The following CDK19 variants were observed in gnomAD, a reference collection of about 807,000 sequenced individuals.
The protein encoded by CDK19 is cyclin-dependent kinase 19.
CDK19 carries 20 observed loss-of-function variants against 68.3 expected under a neutral mutation model. The observed-to-expected ratio is 0.29, with a 90% CI of 0.21 to 0.43. The LOEUF (loss-of-function observed/expected upper bound fraction) is 0.43. CDK19 is among the 20% of genes least tolerant of loss of function. The pLI, the probability that CDK19 is intolerant of heterozygous loss-of-function variation, is 1.00. For synonymous variants in CDK19, 221 were observed against 222.8 expected (o/e 0.99, Z 0.07); for missense variants, 339 against 623.5 (o/e 0.54, Z 4.86).
intron 2 of CDK19, among the ~76,000 whole-genome samples, chr6:110,692,305 A>AG (rs1773067715): frequency 6.6e-6 from 1 of 151,898 alleles, no homozygotes; most frequent in Admixed American, 6.6e-5. Context: ...AAAAAAAAAA[A>AG]AGAAAGAAAG....
intron 4 of CDK19, among the ~76,000 whole-genome samples, chr6:110,649,321 A>G (rs1158316279): frequency 2.6e-5 from 4 of 152,174 alleles, no homozygotes; most frequent in Non-Finnish European, 5.9e-5. Context: ...TGTGGAAAAA[A>G]TCAATTAAAT....
chr6:110,668,691 G>A (rs533937056), intron 3 of CDK19, among the ~76,000 whole-genome samples: 2 of 152,228 alleles, frequency 1.3e-5, no homozygotes, highest in African/African-American at 4.8e-5. Context: ...AATTAGCTGG[G>A]CGTAGTGGTG....
intron 1 of CDK19, among the ~76,000 whole-genome samples, chr6:110,746,627 T>C (rs1268069010): frequency 3.9e-5 from 6 of 152,310 alleles, no homozygotes; most frequent in African/African-American, 1.4e-4. Context: ...AGTAATTTCA[T>C]AGTATAAGAA....
chr6:110,731,255 A>G (rs1776739421), intron 2 of CDK19, among the ~76,000 whole-genome samples: 1 of 152,234 alleles, frequency 6.6e-6, no homozygotes, highest in South Asian at 2.1e-4. Context: ...GTAGGGCCAT[A>G]AAATCTGAAA....
chr6:110,629,944 C>A (rs1779337340), intron 6 of CDK19, among the ~76,000 whole-genome samples: 1 of 151,908 alleles, frequency 6.6e-6, no homozygotes, highest in African/African-American at 2.4e-5. Flanking sequence ...TTTTCCTTAC[C>A]CTGAGGAAAT....
intron 1 of CDK19, among the ~76,000 whole-genome samples, chr6:110,810,047 A>T (rs1341161333): frequency 6.6e-6 from 1 of 152,208 alleles, no homozygotes; most frequent in African/African-American, 2.4e-5. Flanking sequence ...ACACCATTCT[A>T]AAGTGAATGT....
chr6:110,649,412 T>TG (rs1458261459), intron 4 of CDK19, among the ~76,000 whole-genome samples: 2 of 152,134 alleles, frequency 1.3e-5, no homozygotes, highest in Non-Finnish European at 2.9e-5. Flanking sequence ...CTTTAAAACT[T>TG]TTGGAAAAAA....
In CDK19 at chr6:110,811,945, C is replaced by G. The variant is rs1480615487; in HGVS notation, c.128+3064G>C. ...CAGCATGATGGCTCACACTTGTAAT[C>G]CCAGCATTTTGGGAGGCTGAGACAG... On this transcript the variant is annotated intron_variant, in intron 1 of 12. Transcript: ENST00000368911. Among the ~76,000 whole-genome samples the G allele has an allele frequency of 3.3e-5, 5 of 151,154 alleles. No individual in the cohort carries two copies. The East Asian group carries it at 9.7e-4, about 29-fold the overall frequency.
At chr6:110,705,255 G>T (rs952642407) in intron 2 of CDK19, among the ~76,000 whole-genome samples, 6 of 152,126 alleles carry the variant, frequency 3.9e-5, no homozygotes, top group African/African-American at 1.4e-4. Flanking sequence ...GGTCAGGCTG[G>T]TCTCAAACTC....
chr6:110,624,078 G>C (rs1778933445), intron 8 of CDK19, among the ~76,000 whole-genome samples: 1 of 151,674 alleles, frequency 6.6e-6, no homozygotes, highest in African/African-American at 2.4e-5. Context: ...GCAAGTTGCA[G>C]AAGAAAATAC....
Position 110,611,566 on chromosome 6 carries a change from A to T in CDK19, c.*2969T>A, listed in dbSNP as rs1432817381. On this transcript the variant is annotated 3_prime_UTR_variant, in exon 13 of 13. Coordinates refer to ENST00000368911, the MANE Select transcript of CDK19 (RefSeq NM_015076.5). Reference sequence around the variant, plus strand: ...TTCGGGAGGCCGAGACAGGCGGATGACCTGAGGTGAGGAATTCAAGACCAG... The same window carrying T: ...TTCGGGAGGCCGAGACAGGCGGATGTCCTGAGGTGAGGAATTCAAGACCAG... 1 of 152,292 alleles carries T rather than the reference A, an allele frequency of 6.6e-6. No individual in the cohort carries two copies. The highest frequency in any genetic ancestry group is 1.5e-5 in the Non-Finnish European group (1 of 68,128). 9.4% of individuals were successfully genotyped at this position (152,292 alleles called of 1,614,324 possible).
intron 1 of CDK19, among the ~76,000 whole-genome samples, chr6:110,774,708 G>C (rs1780271414): frequency 6.6e-6 from 1 of 152,204 alleles, no homozygotes; most frequent in South Asian, 2.1e-4. Flanking sequence ...CCATCACTTT[G>C]GGAAGCCAAG....
chr6:110,741,913 C>CA, intron 2 of CDK19, among the ~76,000 whole-genome samples: 1 of 152,082 alleles, frequency 6.6e-6, no homozygotes, highest in African/African-American at 2.4e-5. Context: ...ACCTGATATA[C>CA]AAAAAAATAC....
At chr6:110,692,615 T>C (rs1010514374) in intron 2 of CDK19, among the ~76,000 whole-genome samples, 2 of 152,112 alleles carry the variant, frequency 1.3e-5, no homozygotes, top group Non-Finnish European at 2.9e-5. Context: ...GATTTAGATA[T>C]ACAAATATAA....
intron 2 of CDK19, among the ~76,000 whole-genome samples, chr6:110,719,670 A>G (rs1775670746): frequency 1.3e-5 from 2 of 152,196 alleles, no homozygotes; most frequent in African/African-American, 4.8e-5. Context: ...ACCTATTTCA[A>G]TTAGAAAGCT....
At chr6:110,704,327 CCTAT>C (rs1164497012) in intron 2 of CDK19, among the ~76,000 whole-genome samples, 28 of 152,074 alleles carry the variant, frequency 1.8e-4, no homozygotes, top group African/African-American at 6.8e-4. Context: ...CTTGGGAAGC[CCTAT>C]CTTTTTTTAA....
At chr6:110,670,389 C>A in intron 3 of CDK19, 42 bp downstream of exon 3, 1 of 1,046,676 alleles carries the variant, frequency 9.6e-7, no homozygotes, top group Non-Finnish European at 1.5e-6. Context: ...TGCTCCATAC[C>A]TATATAAAAC....
At chr6:110,665,519 T>G (rs958115552) in intron 4 of CDK19, among the ~76,000 whole-genome samples, 3 of 152,184 alleles carry the variant, frequency 2.0e-5, no homozygotes, top group Non-Finnish European at 4.4e-5. Flanking sequence ...GAATAAAATA[T>G]GTTAAGCTAT....
At chr6:110,802,207 T>C (rs140345000) in intron 1 of CDK19, among the ~76,000 whole-genome samples, 1 of 152,300 alleles carries the variant, frequency 6.6e-6, no homozygotes, top group African/African-American at 2.4e-5. Flanking sequence ...AAAGAAATCA[T>C]TCTACCAAAA....
Sources: allele counts gnomAD v4.1 joint callset (sites outside exome capture counted in the v4.1 genomes callset), GRCh38; gene constraint gnomAD v4.1.1; transcripts MANE v1.5; gene names NCBI Gene and HGNC (gene_info 2026-07-23, HGNC 2026-07-21).